Variants in RSPO2 observed in about 807,000 individuals in gnomAD.
RSPO2 encodes the protein R-spondin 2.
Under a neutral mutation model 30.9 loss-of-function variants are expected in RSPO2, and 14 were observed. That is an observed-to-expected ratio of 0.45 (90% CI 0.30 to 0.71). The LOEUF (loss-of-function observed/expected upper bound fraction) is 0.71. Among genes scored for constraint, RSPO2 ranks in the 30% least tolerant of loss-of-function variants. The probability of loss-of-function intolerance (pLI) is 0.08; values close to 1 mark genes in which losing one functional copy is unlikely to be tolerated. For missense variants in RSPO2, 264 were observed against 301.9 expected (o/e 0.87, Z 0.93); for synonymous variants, 107 against 96.4 (o/e 1.11, Z -0.64).
Position 107,906,358 on chromosome 8 carries a change from T to TATTTTACATTTTTAGTAATAGC in RSPO2, c.617-5169_617-5168insGCTATTACTAAAAATGTAAAAT, listed in dbSNP as rs1554625827. Among the ~76,000 whole-genome samples, 3 of 149,632 alleles carry TATTTTACATTTTTAGTAATAGC rather than the reference T, an allele frequency of 2.0e-5. No individual in the cohort carries two copies. In the East Asian group the frequency reaches 5.9e-4, roughly 29 times the overall value. On this transcript the variant is annotated intron_variant, in intron 5 of 5. Coordinates refer to ENST00000276659, the MANE Select transcript of RSPO2 (RefSeq NM_178565.5). The stretch of plus-strand genomic sequence containing the variant: ...ATGAATGCAAGTATTTTATATTTTA[T>TATTTTACATTTTTAGTAATAGC]ATTTTATATTTTTATTTTAGAAATA...
chr8:108,016,976 AAAAT>A (rs1328372582), intron 2 of RSPO2, among the ~76,000 whole-genome samples: 6 of 152,224 alleles, frequency 3.9e-5, no homozygotes, highest in African/African-American at 1.4e-4. Flanking sequence ...CCTTTAAAAA[AAAAT>A]AAATTACCCA....
chr8:107,973,126 T>G (rs1814059279), intron 3 of RSPO2, among the ~76,000 whole-genome samples: 1 of 151,886 alleles, frequency 6.6e-6, no homozygotes, highest in Non-Finnish European at 1.5e-5. Context: ...AAAAATTAGC[T>G]GGGCATGGTG....
intron 5 of RSPO2, among the ~76,000 whole-genome samples, chr8:107,923,347 C>A (rs1183964001): frequency 1.3e-5 from 2 of 152,020 alleles, no homozygotes; most frequent in Non-Finnish European, 2.9e-5. Flanking sequence ...TAAACAAATG[C>A]AAATCAAAAC....
At chr8:107,925,323 T>C (rs1205064206) in intron 5 of RSPO2, among the ~76,000 whole-genome samples, 4 of 151,794 alleles carry the variant, frequency 2.6e-5, no homozygotes, top group Non-Finnish European at 5.9e-5. Context: ...TTAAAAGAGG[T>C]GTAAAACAAA....
At chr8:108,056,422 C>T (rs755753437) in intron 2 of RSPO2, among the ~76,000 whole-genome samples, 1 of 151,328 alleles carries the variant, frequency 6.6e-6, no homozygotes, top group Non-Finnish European at 1.5e-5. Flanking sequence ...AGTTTGACAC[C>T]AGCCTGGGCA....
At chr8:107,901,627 C>T (rs953274456) in intron 5 of RSPO2, among the ~76,000 whole-genome samples, 3 of 152,258 alleles carry the variant, frequency 2.0e-5, no homozygotes, top group African/African-American at 7.2e-5. Flanking sequence ...CTCTCCCTTT[C>T]CCCATGGGGG....
intron 3 of RSPO2, among the ~76,000 whole-genome samples, chr8:107,973,904 A>T (rs1040561523): frequency 2.6e-5 from 4 of 152,178 alleles, no homozygotes; most frequent in African/African-American, 9.7e-5. Flanking sequence ...CCTTTCCTAA[A>T]TGCGTCCTCA....
intron 3 of RSPO2, chr8:107,983,811 C>T: frequency 6.2e-7 from 1 of 1,604,736 alleles, no homozygotes; most frequent in African/African-American, 1.3e-5. Context: ...CTTGCCACCA[C>T]ATTCAGAAAC....
chr8:108,015,970 T>C (rs1810877101), intron 2 of RSPO2, among the ~76,000 whole-genome samples: 1 of 152,166 alleles, frequency 6.6e-6, no homozygotes, highest in East Asian at 1.9e-4. Context: ...AAAGATACTA[T>C]TCCAGCGGAG....
chr8:107,963,977 T>C (rs1813716354), intron 3 of RSPO2, among the ~76,000 whole-genome samples: 1 of 152,248 alleles, frequency 6.6e-6, no homozygotes, highest in South Asian at 2.1e-4. Context: ...ACATGTTCAA[T>C]AGTGTTGCTT....
intron 3 of RSPO2, among the ~76,000 whole-genome samples, chr8:107,968,327 T>A (rs1813882197): frequency 6.6e-6 from 1 of 152,102 alleles, no homozygotes; most frequent in Non-Finnish European, 1.5e-5. Flanking sequence ...GACATTATGT[T>A]AAGTGAAATA....
At chr8:108,065,642 C>T (rs1011389153) in intron 2 of RSPO2, among the ~76,000 whole-genome samples, 2 of 148,832 alleles carry the variant, frequency 1.3e-5, no homozygotes, top group Non-Finnish European at 3.0e-5. Flanking sequence ...CCAGCTGCAC[C>T]TAATAAGCAG....
At chr8:107,980,692 T>C (rs1378035822) in intron 3 of RSPO2, among the ~76,000 whole-genome samples, 3 of 152,144 alleles carry the variant, frequency 2.0e-5, no homozygotes, top group African/African-American at 7.2e-5. Context: ...ATGCATTTCC[T>C]CTAAACCTAG....
chr8:108,040,345 C>G (rs553897642), intron 2 of RSPO2, among the ~76,000 whole-genome samples: 14 of 152,120 alleles, frequency 9.2e-5, no homozygotes, highest in South Asian at 4.1e-4. Flanking sequence ...GGCATCTAGA[C>G]TGGGTCTTAC....
chr8:107,969,809 CATT>C (rs1187235882), intron 3 of RSPO2, among the ~76,000 whole-genome samples: 1 of 152,048 alleles, frequency 6.6e-6, no homozygotes, highest in Admixed American at 6.6e-5. Flanking sequence ...AAATTCCTGC[CATT>C]ATTAGAACTC....
chr8:108,034,253 A>G (rs1184669061), intron 2 of RSPO2, among the ~76,000 whole-genome samples: 1 of 152,180 alleles, frequency 6.6e-6, no homozygotes, highest in Non-Finnish European at 1.5e-5. Flanking sequence ...TTCTTTAAAT[A>G]TGTCTTTAAA....
chr8:108,051,327 G>A (rs1812073376), intron 2 of RSPO2, among the ~76,000 whole-genome samples: 1 of 152,150 alleles, frequency 6.6e-6, no homozygotes, highest in Admixed American at 6.5e-5. Context: ...GGAAGGGGTA[G>A]CAACCAAGAC....
intron 5 of RSPO2, among the ~76,000 whole-genome samples, chr8:107,907,304 G>A (rs1185047639): frequency 1.3e-5 from 2 of 151,926 alleles, no homozygotes; most frequent in African/African-American, 2.4e-5. Context: ...TTCTAGAAAT[G>A]CACCTCTTCT....
intron 5 of RSPO2, among the ~76,000 whole-genome samples, chr8:107,957,073 C>T (rs1456023162): frequency 6.6e-6 from 1 of 152,138 alleles, no homozygotes; most frequent in Non-Finnish European, 1.5e-5. Context: ...GTCTTCGAGT[C>T]TTAAAAGTAT....
Sources: allele counts gnomAD v4.1 joint callset (sites outside exome capture counted in the v4.1 genomes callset), GRCh38; gene constraint gnomAD v4.1.1; transcripts MANE v1.5; gene names NCBI Gene and HGNC (gene_info 2026-07-23, HGNC 2026-07-21).